Variants in LRRTM4 observed in about 807,000 individuals in gnomAD.
The protein encoded by LRRTM4 is leucine-rich repeat transmembrane neuronal protein 4.
In LRRTM4, 25 loss-of-function variants were observed where a neutral mutation model predicts 47.6. The observed-to-expected ratio is 0.53, with a 90% CI of 0.38 to 0.73. The LOEUF (loss-of-function observed/expected upper bound fraction) is 0.73, where lower values mean the gene tolerates loss of function less well. Among genes scored for constraint, LRRTM4 ranks in the 30% least tolerant of loss-of-function variants. LRRTM4 has a pLI of 0.00. For synonymous variants in LRRTM4, 311 were observed against 269.5 expected (o/e 1.15, Z -1.51); for missense variants, 638 against 713.4 (o/e 0.89, Z 1.20).
intron 3 of LRRTM4, among the ~76,000 whole-genome samples, chr2:77,003,524 G>A (rs1414300012): frequency 6.6e-6 from 1 of 152,114 alleles, no homozygotes; most frequent in African/African-American, 2.4e-5. Flanking sequence ...AAGTTTCCCT[G>A]TATATCACCT....
chr2:76,832,853 G>A (rs1041602175), intron 3 of LRRTM4, among the ~76,000 whole-genome samples: 9 of 151,974 alleles, frequency 5.9e-5, no homozygotes, highest in African/African-American at 2.2e-4. Flanking sequence ...AGCTGTGGAG[G>A]ACTAGGAAAA....
intron 3 of LRRTM4, among the ~76,000 whole-genome samples, chr2:77,184,483 C>T (rs1182038600): frequency 6.6e-6 from 1 of 152,042 alleles, no homozygotes; most frequent in Admixed American, 6.6e-5. Context: ...TCATTGAGTA[C>T]TCGATTTTAA....
chr2:77,146,335 A>G (rs1672260901), intron 3 of LRRTM4, among the ~76,000 whole-genome samples: 2 of 152,138 alleles, frequency 1.3e-5, no homozygotes, highest in South Asian at 4.1e-4. Flanking sequence ...AACAATCTTA[A>G]TTTCAACTCC....
intron 3 of LRRTM4, among the ~76,000 whole-genome samples, chr2:77,149,515 G>A (rs563204415): frequency 5.3e-5 from 8 of 152,270 alleles, no homozygotes; most frequent in Non-Finnish European, 8.8e-5. Context: ...TTCAAGAAGT[G>A]TGTCCTATTG....
chr2:77,463,995 G>A (rs1239647208), intron 3 of LRRTM4, among the ~76,000 whole-genome samples: 5 of 152,070 alleles, frequency 3.3e-5, no homozygotes, highest in Non-Finnish European at 1.5e-5. Context: ...AAATACTACA[G>A]GTACATGGTG....
chr2:77,357,127 G>C (rs1347122991), intron 3 of LRRTM4, among the ~76,000 whole-genome samples: 2 of 152,024 alleles, frequency 1.3e-5, no homozygotes, highest in African/African-American at 4.8e-5. Flanking sequence ...ATTTTATTAT[G>C]AGTAGTCATG....
chr2:77,439,361 TAAAG>T (rs1675741524), intron 3 of LRRTM4, among the ~76,000 whole-genome samples: 1 of 152,034 alleles, frequency 6.6e-6, no homozygotes, highest in African/African-American at 2.4e-5. Flanking sequence ...TCTTATGAAA[TAAAG>T]AAAAATACGG....
At chr2:76,755,031 A>G (rs1271651135) in intron 3 of LRRTM4, among the ~76,000 whole-genome samples, 6 of 152,120 alleles carry the variant, frequency 3.9e-5, no homozygotes, top group African/African-American at 1.4e-4. Context: ...TTGTTAGCCA[A>G]TCAGCTTTGG....
intron 3 of LRRTM4, among the ~76,000 whole-genome samples, chr2:77,002,966 C>A (rs776671183): frequency 1.1e-4 from 16 of 151,442 alleles, no homozygotes; most frequent in African/African-American, 3.7e-4. Flanking sequence ...ATTTATGCTA[C>A]ACAGAGCAAG....
chr2:77,154,435 A>G (rs1202868243), intron 3 of LRRTM4, among the ~76,000 whole-genome samples: 1 of 152,174 alleles, frequency 6.6e-6, no homozygotes, highest in African/African-American at 2.4e-5. Flanking sequence ...TAGCATTTCC[A>G]CTGACAATTA....
intron 3 of LRRTM4, among the ~76,000 whole-genome samples, chr2:77,497,691 A>G (rs1444527455): frequency 6.6e-6 from 1 of 150,798 alleles, no homozygotes; most frequent in Non-Finnish European, 1.5e-5. Flanking sequence ...ATATAATTAT[A>G]CATTATGTAA....
chr2:76,801,060 T>G (rs1357491627), intron 3 of LRRTM4, among the ~76,000 whole-genome samples: 1 of 150,184 alleles, frequency 6.7e-6, no homozygotes, highest in Non-Finnish European at 1.5e-5. Context: ...TTTACACTGT[T>G]GGTGGGACTG....
intron 3 of LRRTM4, among the ~76,000 whole-genome samples, chr2:77,099,818 T>C (rs947149039): frequency 6.6e-6 from 1 of 151,974 alleles, no homozygotes; most frequent in African/African-American, 2.4e-5. Flanking sequence ...TTGAATATAA[T>C]AAAAATTACC....
chr2:77,114,230 A>G (rs1671328486), intron 3 of LRRTM4, among the ~76,000 whole-genome samples: 1 of 152,136 alleles, frequency 6.6e-6, no homozygotes, highest in South Asian at 2.1e-4. Context: ...AATTCCCTGT[A>G]GGGACCAGTT....
At chr2:76,941,160 CAAACAAA>C (rs1163866306) in intron 3 of LRRTM4, among the ~76,000 whole-genome samples, 2 of 151,522 alleles carry the variant, frequency 1.3e-5, no homozygotes, top group African/African-American at 4.9e-5. Flanking sequence ...GAAGTAAGGT[CAAACAAA>C]AAACAAAAAC....
At chr2:76,772,497 C>A (rs1414891480) in intron 3 of LRRTM4, among the ~76,000 whole-genome samples, 1 of 152,034 alleles carries the variant, frequency 6.6e-6, no homozygotes, top group Non-Finnish European at 1.5e-5. Flanking sequence ...TTGAAAGGGA[C>A]AAATATGTTT....
chr2:77,166,531 C>T (rs892202454), intron 3 of LRRTM4, among the ~76,000 whole-genome samples: 5 of 152,172 alleles, frequency 3.3e-5, no homozygotes, highest in African/African-American at 1.2e-4. Flanking sequence ...AAGCTGGAGG[C>T]ATTATGCTAC....
chr2:77,462,716 T>C (rs148593067), intron 3 of LRRTM4, among the ~76,000 whole-genome samples: 1 of 152,180 alleles, frequency 6.6e-6, no homozygotes, highest in East Asian at 1.9e-4. Flanking sequence ...AGCAAAGGCT[T>C]TTAAACGGAA....
intron 3 of LRRTM4, among the ~76,000 whole-genome samples, chr2:77,515,556 A>G (rs762139570): frequency 5.9e-5 from 9 of 151,786 alleles, no homozygotes; most frequent in Non-Finnish European, 1.3e-4. Flanking sequence ...AAGTTTTCCA[A>G]TTAAATATTT....
Sources: gnomAD v4.1 joint callset for allele counts (sites outside exome capture counted in the v4.1 genomes callset) on GRCh38, gnomAD v4.1.1 for gene constraint, MANE v1.5 for transcripts, NCBI Gene and HGNC (gene_info 2026-07-23, HGNC 2026-07-21) for gene names.